Variants in HPSE2 observed in about 807,000 individuals in gnomAD.
The protein encoded by HPSE2 is heparanase 2 (inactive).
In HPSE2, 38 loss-of-function variants were observed where a neutral mutation model predicts 60.5. That is an observed-to-expected ratio of 0.63 (90% CI 0.48 to 0.82). The LOEUF is 0.82. HPSE2 is among the 40% of genes least tolerant of loss of function. HPSE2 has a pLI of 0.00. For synonymous variants in HPSE2, 295 were observed against 293.2 expected (o/e 1.01, Z -0.06); for missense variants, 713 against 740.4 (o/e 0.96, Z 0.43).
At chr10:99,230,041 A>T (rs960252642) in intron 2 of HPSE2, among the ~76,000 whole-genome samples, 1 of 152,234 alleles carries the variant, frequency 6.6e-6, no homozygotes, top group Non-Finnish European at 1.5e-5. Context: ...GGACATTCTC[A>T]TTCTCTTTAA....
chr10:98,794,738 G>A (rs554167443), intron 3 of HPSE2, among the ~76,000 whole-genome samples: 1 of 152,074 alleles, frequency 6.6e-6, no homozygotes, highest in Non-Finnish European at 1.5e-5. Context: ...TAGCATATCA[G>A]GAGAGGTACA....
intron 3 of HPSE2, among the ~76,000 whole-genome samples, chr10:98,969,492 T>C (rs1014142506): frequency 3.3e-5 from 5 of 152,320 alleles, no homozygotes; most frequent in Admixed American, 2.6e-4. Flanking sequence ...ACTCTCAAGG[T>C]AGCAAATGGA....
At chr10:99,305,979 G>GCGCGCGCACGCACACACACACACACA in the HPSE2 span, among the ~76,000 whole-genome samples, 2 of 80,580 alleles carry the variant, frequency 2.5e-5, no homozygotes, top group African/African-American at 5.4e-5. Flanking sequence ...GCGCGCGCGC[G>GCGCGCGCACGCACACACACACACACA]CACACACACA....
chr10:98,911,505 GT>G (rs1226281446), intron 3 of HPSE2, among the ~76,000 whole-genome samples: 2 of 152,142 alleles, frequency 1.3e-5, no homozygotes, highest in East Asian at 3.9e-4. Flanking sequence ...TATGGAGTGT[GT>G]TCTAGGTAAC....
intron 6 of HPSE2, among the ~76,000 whole-genome samples, chr10:98,685,399 T>C (rs1020453659): frequency 1.3e-5 from 2 of 152,054 alleles, no homozygotes; most frequent in Non-Finnish European, 2.9e-5. Context: ...CTCCAGAAAA[T>C]TCCCTCATGC....
chr10:98,648,809 C>A (rs1013468794), intron 6 of HPSE2, among the ~76,000 whole-genome samples: 9 of 152,012 alleles, frequency 5.9e-5, no homozygotes, highest in African/African-American at 1.4e-4. Flanking sequence ...GTATTTATAT[C>A]AAATGACAAA....
At chr10:99,246,232 T>TG in the HPSE2 span, among the ~76,000 whole-genome samples, 1 of 152,186 alleles carries the variant, frequency 6.6e-6, no homozygotes, top group Non-Finnish European at 1.5e-5. Context: ...TAACCAATTA[T>TG]GGGGGGGAAA....
At chr10:99,067,143 G>C (rs1238185163) in intron 3 of HPSE2, among the ~76,000 whole-genome samples, 1 of 152,186 alleles carries the variant, frequency 6.6e-6, no homozygotes, top group Middle Eastern at 3.2e-3. Flanking sequence ...GATTCGAGAG[G>C]TGGGCTCCCA....
chr10:99,198,057 G>C (rs927109120), intron 2 of HPSE2, among the ~76,000 whole-genome samples: 1 of 148,470 alleles, frequency 6.7e-6, no homozygotes, highest in African/African-American at 2.5e-5. Context: ...AACAGAGCAA[G>C]ACTCCGTCTC....
At chr10:98,767,939 TG>T (rs1290362678) in intron 3 of HPSE2, among the ~76,000 whole-genome samples, 1 of 148,986 alleles carries the variant, frequency 6.7e-6, no homozygotes, top group Non-Finnish European at 1.5e-5. Context: ...TATTTATATA[TG>T]GCATAGTAAT....
intron 3 of HPSE2, among the ~76,000 whole-genome samples, chr10:98,827,015 G>A (rs776142448): frequency 6.6e-5 from 10 of 151,946 alleles, no homozygotes; most frequent in East Asian, 2.0e-4. Context: ...GCTGGGTGTC[G>A]TGGTATATGC....
At chr10:99,192,446 CT>C (rs993351724) in intron 2 of HPSE2, among the ~76,000 whole-genome samples, 3 of 151,090 alleles carry the variant, frequency 2.0e-5, no homozygotes, top group South Asian at 2.1e-4. Flanking sequence ...AGTAGCATGA[CT>C]TTTTTTTTAG....
intron 2 of HPSE2, among the ~76,000 whole-genome samples, chr10:99,216,773 T>C (rs1849144668): frequency 6.6e-6 from 1 of 152,222 alleles, no homozygotes; most frequent in Admixed American, 6.5e-5. Context: ...AGGTGCTTAA[T>C]TGAATGAACA....
At chr10:98,736,966 G>A (rs1166545024) in intron 4 of HPSE2, among the ~76,000 whole-genome samples, 1 of 152,132 alleles carries the variant, frequency 6.6e-6, no homozygotes, top group African/African-American at 2.4e-5. Context: ...AGAGTCTGTG[G>A]GGAAAGAATT....
At chr10:98,946,839 C>T (rs1955199626) in intron 3 of HPSE2, among the ~76,000 whole-genome samples, 1 of 151,980 alleles carries the variant, frequency 6.6e-6, no homozygotes, top group African/African-American at 2.4e-5. Context: ...TTGTGGTGAG[C>T]TCAAGAGTTG....
chr10:99,184,522 C>CAAAAAAAAAAAAAAAA (rs200059066), intron 2 of HPSE2, among the ~76,000 whole-genome samples: 11 of 60,786 alleles, frequency 1.8e-4, no homozygotes, highest in African/African-American at 2.4e-4. Flanking sequence ...GAGACTGTCT[C>CAAAAAAAAAAAAAAAA]AAAAAAAAAA....
intron 3 of HPSE2, among the ~76,000 whole-genome samples, chr10:99,115,273 C>A (rs1246425666): frequency 2.0e-5 from 3 of 151,776 alleles, no homozygotes; most frequent in Admixed American, 1.3e-4. Flanking sequence ...CCTGCCTCAG[C>A]CTCCCAAGTA....
In HPSE2 at chr10:98,605,961, G is replaced by A. The variant is rs191362212; in HGVS notation, c.1320+8943C>T. On this transcript the variant is annotated intron_variant, in intron 9 of 11. Transcript: ENST00000370552. ...TGCCTCTTCAGTGAAGACCTCCTTA[G>A]CCACACTTTCTAAAGAAGCCTCCCC... 3.3e-5 allele frequency among the ~76,000 whole-genome samples: 5 copies of A among 152,314 alleles called. No homozygotes were observed. In the East Asian group the frequency reaches 9.6e-4, roughly 29 times the overall value.
chr10:98,679,399 G>C (rs1947728060), intron 6 of HPSE2, among the ~76,000 whole-genome samples: 1 of 152,124 alleles, frequency 6.6e-6, no homozygotes, highest in African/African-American at 2.4e-5. Flanking sequence ...ATTTTCCAGA[G>C]TCCATATGAC....
Sources: allele counts gnomAD v4.1 joint callset (sites outside exome capture counted in the v4.1 genomes callset), GRCh38; gene constraint gnomAD v4.1.1; transcripts MANE v1.5; gene names NCBI Gene and HGNC (gene_info 2026-07-23, HGNC 2026-07-21).